GPR89B: variants seen among roughly 807,000 people sequenced by gnomAD.
GPR89B encodes the protein G protein-coupled receptor 89B.
A neutral mutation model predicts 52.4 loss-of-function variants in GPR89B; 25 were observed. The ratio of observed to expected loss-of-function variants is 0.48; its 90% CI spans 0.35 to 0.67. GPR89B has a LOEUF of 0.67. Among genes scored for constraint, GPR89B ranks in the 30% least tolerant of loss-of-function variants. GPR89B has a pLI of 0.01. For synonymous variants in GPR89B, 52 were observed against 151.2 expected (o/e 0.34, Z 4.81); for missense variants, 146 against 450.2 (o/e 0.32, Z 6.11).
chr1:147,937,528 C>G (rs1252296739), intron 2 of GPR89B, among the ~76,000 whole-genome samples: 1 of 152,160 alleles, frequency 6.6e-6, no homozygotes, highest in Non-Finnish European at 1.5e-5. Context: ...AGTCCTATCT[C>G]AACCGCATAA....
intron 7 of GPR89B, 37 bp downstream of exon 7, chr1:147,954,439 C>G (rs1429335906): frequency 4.4e-6 from 1 of 229,332 alleles, no homozygotes; most frequent in Non-Finnish European, 8.4e-6. Context: ...TGGACTCTTA[C>G]AATTTCTCAA....
chr1:147,933,585 G>T (rs1653829717), intron 1 of GPR89B, among the ~76,000 whole-genome samples: 1 of 151,548 alleles, frequency 6.6e-6, no homozygotes, highest in African/African-American at 2.4e-5. Context: ...CCCATCCTCT[G>T]CCCCCTTTCC....
the GPR89B span, among the ~76,000 whole-genome samples, chr1:148,014,185 G>C: frequency 0.01 from 1,581 of 151,440 alleles, 48 homozygotes; most frequent in African/African-American, 0.037. Flanking sequence ...TCCAAGAGCC[G>C]CCGTTGCAGG....
chr1:147,944,856 A>G (rs1654828092), intron 5 of GPR89B, among the ~76,000 whole-genome samples: 1 of 151,126 alleles, frequency 6.6e-6, no homozygotes, highest in African/African-American at 2.4e-5. Context: ...CCCATCTGTA[A>G]TAAATATACT....
At chr1:147,930,220 G>C (rs1653454282) in intron 1 of GPR89B, among the ~76,000 whole-genome samples, 1 of 152,138 alleles carries the variant, frequency 6.6e-6, no homozygotes, top group Admixed American at 6.5e-5. Context: ...GTGGAAGAAA[G>C]ACCCAAAGAT....
chr1:147,949,576 G>T (rs1655362231), intron 5 of GPR89B, among the ~76,000 whole-genome samples: 1 of 133,460 alleles, frequency 7.5e-6, no homozygotes. Context: ...GCGGGGGGCT[G>T]ACCCCCCCAC....
At chr1:148,012,858 G>A in the GPR89B span, among the ~76,000 whole-genome samples, 1 of 151,958 alleles carries the variant, frequency 6.6e-6, no homozygotes, top group Non-Finnish European at 1.5e-5. Flanking sequence ...CCAAAGAAGA[G>A]CCTCTGGCCT....
intron 7 of GPR89B, among the ~76,000 whole-genome samples, chr1:147,956,569 A>G (rs1350909941): frequency 8.6e-5 from 13 of 151,996 alleles, no homozygotes; most frequent in Non-Finnish European, 1.8e-4. Context: ...TAGCTACAAG[A>G]AAAAATACTT....
At chr1:147,980,775 C>T (rs1338728203) in intron 10 of GPR89B, among the ~76,000 whole-genome samples, 37 of 144,682 alleles carry the variant, frequency 2.6e-4, no homozygotes, top group Admixed American at 1.9e-3. Context: ...GCCGAGATCC[C>T]GCCACTGCAC....
chr1:148,000,288 A>G, the GPR89B span, among the ~76,000 whole-genome samples: 1 of 151,374 alleles, frequency 6.6e-6, no homozygotes, highest in African/African-American at 2.4e-5. Flanking sequence ...TTAAGCACAT[A>G]AACGGTTAGG....
chr1:148,001,960 G>T, the GPR89B span, among the ~76,000 whole-genome samples: 1 of 151,676 alleles, frequency 6.6e-6, no homozygotes, highest in Non-Finnish European at 1.5e-5. Context: ...TAGCAATTGG[G>T]TGTGTTCGGT....
chr1:147,984,999 A>G (rs1658560728), intron 10 of GPR89B, among the ~76,000 whole-genome samples: 1 of 152,190 alleles, frequency 6.6e-6, no homozygotes, highest in South Asian at 2.1e-4. Flanking sequence ...ATAAATGTCA[A>G]TTACGTCAAA....
At chr1:147,982,479 AC>A in intron 10 of GPR89B, among the ~76,000 whole-genome samples, 1 of 137,394 alleles carries the variant, frequency 7.3e-6, no homozygotes, top group African/African-American at 2.8e-5. Flanking sequence ...ATTGTTATTA[AC>A]TTTTTTATAC....
chr1:147,968,819 T>C, intron 8 of GPR89B, 56 bp from the exon 9 acceptor site: 1 of 1,613,266 alleles, frequency 6.2e-7, no homozygotes, highest in Non-Finnish European at 8.5e-7. Context: ...TGCTTTCTCA[T>C]TGCCATTTCT....
intron 5 of GPR89B, among the ~76,000 whole-genome samples, chr1:147,945,721 A>C (rs587615089): frequency 6.6e-6 from 1 of 151,094 alleles, no homozygotes; most frequent in African/African-American, 2.4e-5. Flanking sequence ...AAATTATTTC[A>C]AGTTTCTTTT....
the GPR89B span, among the ~76,000 whole-genome samples, chr1:147,999,247 G>C: frequency 6.6e-6 from 1 of 151,712 alleles, no homozygotes; most frequent in South Asian, 2.1e-4. Flanking sequence ...GCTTCAGTTG[G>C]TTCTTAAGCC....
At chr1:148,014,345 A>C in the GPR89B span, 1 of 151,750 alleles carries the variant, frequency 6.6e-6, no homozygotes, top group African/African-American at 2.4e-5. Flanking sequence ...AAGCGCACTC[A>C]AGATTCGTAG....
chr1:147,955,276 T>TGCCATA (rs1656035126), intron 7 of GPR89B, among the ~76,000 whole-genome samples: 1 of 152,116 alleles, frequency 6.6e-6, no homozygotes, highest in African/African-American at 2.4e-5. Flanking sequence ...TGTACATGTA[T>TGCCATA]GCCATATTTT....
intron 5 of GPR89B, among the ~76,000 whole-genome samples, chr1:147,948,246 A>G (rs1221905300): frequency 6.6e-6 from 1 of 152,214 alleles, no homozygotes; most frequent in Non-Finnish European, 1.5e-5. Flanking sequence ...AAGAAGGCAC[A>G]AGAGACATCA....
Sources: allele counts gnomAD v4.1 joint callset (sites outside exome capture counted in the v4.1 genomes callset), GRCh38; gene constraint gnomAD v4.1.1; transcripts MANE v1.5; gene names NCBI Gene and HGNC (gene_info 2026-07-23, HGNC 2026-07-21).